The following P2RX3 variants were observed in gnomAD, a reference collection of about 807,000 sequenced individuals.
P2RX3 encodes the protein P2X purinoceptor 3.
P2RX3 carries 41 observed loss-of-function variants against 51.5 expected under a neutral mutation model. That is an observed-to-expected ratio of 0.80 (90% confidence interval 0.62 to 1.03). P2RX3 has a LOEUF of 1.03. Ranked by LOEUF, P2RX3 falls within the 50% of genes least tolerant of loss-of-function variation. The pLI, the probability that P2RX3 is intolerant of heterozygous loss-of-function variation, is 0.00. For synonymous variants in P2RX3, 185 were observed against 191.6 expected, an observed-to-expected ratio of 0.97 and a Z score of 0.29; for missense variants, 459 against 522.1, an observed-to-expected ratio of 0.88 and a Z score of 1.18.
rs1160258375 is a variant in P2RX3 at position 57,348,614 on chromosome 11, T to G, written c.486-13T>G. 5 of 1,611,874 alleles carry G rather than the reference T, an allele frequency of 3.1e-6. No individual in the cohort carries two copies. In the African/African-American group the frequency reaches 6.7e-5, roughly 21 times the overall value. Reference sequence around the variant, plus strand: ...CTTCCTGGAAAGCTAAGGCCTCCTGTGCTCACCCACAGGCCCATCATGATG... The same window carrying G: ...CTTCCTGGAAAGCTAAGGCCTCCTGGGCTCACCCACAGGCCCATCATGATG... On this transcript the variant is annotated splice_polypyrimidine_tract_variant and intron_variant, in intron 5 of 11. Coordinates refer to ENST00000263314, the MANE Select transcript of P2RX3 (RefSeq NM_002559.5).
intron 1 of P2RX3, among the ~76,000 whole-genome samples, chr11:57,343,638 C>T (rs72923903): frequency 0.036 from 5,450 of 152,280 alleles, 142 homozygotes; most frequent in Non-Finnish European, 0.056. Context: ...TTATATAATA[C>T]TAGTCTGAAC....
chr11:57,364,176 C>G (rs1462327382), intron 8 of P2RX3, among the ~76,000 whole-genome samples: 1 of 152,192 alleles, frequency 6.6e-6, no homozygotes, highest in African/African-American at 2.4e-5. Context: ...GATCCACCCT[C>G]TCACCCCTGC....
Position 57,370,023 on chromosome 11 carries a change from A to G in P2RX3, c.*26A>G, listed in dbSNP as rs1246028501. ...GGCCTCTTTCCAGGGCCCCACACTCACAAAGGCTCCAGGCCTCCCCACAGA... is the reference window on the plus strand; with the variant it reads ...GGCCTCTTTCCAGGGCCCCACACTCGCAAAGGCTCCAGGCCTCCCCACAGA... On this transcript the variant is annotated 3_prime_UTR_variant, in exon 12 of 12. Coordinates refer to ENST00000263314, the MANE Select transcript of P2RX3 (RefSeq NM_002559.5). 2.0e-6 allele frequency: 3 copies of G among 1,538,248 alleles called. No homozygotes were observed. The highest frequency in any genetic ancestry group is 1.1e-5 in the South Asian group (1 of 88,592).
chr11:57,343,541 GT>G (rs1298364077), intron 1 of P2RX3, among the ~76,000 whole-genome samples: 1 of 152,202 alleles, frequency 6.6e-6, no homozygotes, highest in African/African-American at 2.4e-5. Flanking sequence ...CTGTGCCTCA[GT>G]TTCCTCATTC....
chr11:57,360,319 C>G (rs757120531), intron 8 of P2RX3, among the ~76,000 whole-genome samples: 6 of 152,180 alleles, frequency 3.9e-5, no homozygotes, highest in Non-Finnish European at 8.8e-5. Context: ...CTACCTTATA[C>G]TAGCTCCACC....
intron 8 of P2RX3, among the ~76,000 whole-genome samples, chr11:57,358,607 C>A (rs1197792952): frequency 6.6e-6 from 1 of 152,072 alleles, no homozygotes; most frequent in Non-Finnish European, 1.5e-5. Context: ...TCAGTTTCCT[C>A]CTCTGTAAAA....
At chr11:57,361,141 C>T (rs1376664357) in intron 8 of P2RX3, among the ~76,000 whole-genome samples, 1 of 152,202 alleles carries the variant, frequency 6.6e-6, no homozygotes, top group Non-Finnish European at 1.5e-5. Context: ...CCCACCAGCC[C>T]ACCAACCCTC....
At chr11:57,360,744 G>A (rs941310685) in intron 8 of P2RX3, among the ~76,000 whole-genome samples, 5 of 149,326 alleles carry the variant, frequency 3.3e-5, no homozygotes, top group African/African-American at 7.3e-5. Flanking sequence ...GCAGTGAGCC[G>A]AGATCGCTCC....
At chr11:57,362,116 C>T (rs1856729275) in intron 8 of P2RX3, among the ~76,000 whole-genome samples, 1 of 152,154 alleles carries the variant, frequency 6.6e-6, no homozygotes, top group Non-Finnish European at 1.5e-5. Flanking sequence ...CTGAGCTGGG[C>T]TCTAATGGAT....
chr11:57,349,896 A>G lies in P2RX3; in HGVS notation c.703A>G (p.Thr235Ala). ...GCAGGATTTTGCCAAACTGGCGCGC[A>G]CGGTGAGGACCTAGCCATTCTTCCG... is the stretch of plus-strand genomic sequence containing the variant. Reference protein sequence around the residue: ...AGQDFAKLARTGGVLGIKIGW... With the variant: ...AGQDFAKLARAGGVLGIKIGW... The change falls in exon 7 of 12, where the codon ACG (threonine) becomes GCG (alanine). Residue 235 changes from threonine (T) to alanine (A), a missense_variant and splice_region_variant. Transcript: ENST00000263314. 6.2e-7 allele frequency: 1 copy of G among 1,614,228 alleles called. No homozygotes were observed. Among genetic ancestry groups the G allele is most frequent in the Non-Finnish European group, 8.5e-7 (1 of 1,180,038 alleles).
intron 7 of P2RX3, 124 bp from the exon 8 acceptor site, chr11:57,350,638 C>T: frequency 7.4e-7 from 1 of 1,350,106 alleles, no homozygotes. Context: ...TTCTCCCTGC[C>T]TCCGTCTCCC....
rs531103771 is a variant in P2RX3, at chr11:57,370,844, C to T, written c.*847C>T. Among the ~76,000 whole-genome samples the T allele has an allele frequency of 6.6e-6, 1 of 152,302 alleles. No homozygotes were observed. Among genetic ancestry groups the T allele is most frequent in the Non-Finnish European group, 1.5e-5 (1 of 68,036 alleles). ...CCCCTCACTCTGGGGATTTGATTCC[C>T]GGACCTGGGATCCTGTCGTAGGCTG... is the stretch of plus-strand genomic sequence containing the variant. On this transcript the variant is annotated 3_prime_UTR_variant, in exon 12 of 12. Transcript: ENST00000263314.
intron 8 of P2RX3, among the ~76,000 whole-genome samples, chr11:57,354,700 G>A (rs1038805463): frequency 1.3e-5 from 2 of 151,892 alleles, no homozygotes; most frequent in East Asian, 1.9e-4. Flanking sequence ...TTTGTTAGTG[G>A]GTGAATGTGT....
At chr11:57,349,920 C>G in intron 7 of P2RX3, 22 bp downstream of exon 7, 5 of 1,613,484 alleles carry the variant, frequency 3.1e-6, no homozygotes, top group Non-Finnish European at 3.4e-6. Flanking sequence ...GCCATTCTTC[C>G]GCGACCCCAA....
At chr11:57,344,425 A>G (rs1009249209) in intron 1 of P2RX3, among the ~76,000 whole-genome samples, 20 of 152,234 alleles carry the variant, frequency 1.3e-4, no homozygotes, top group Admixed American at 3.9e-4. Flanking sequence ...AGGGCTGGGC[A>G]TGGTGGATCC....
rs765276339 is a variant in P2RX3, at chr11:57,369,897, C to A, written c.1094C>A (p.Thr365Lys). ...AKKFEEVNETTLKIAALTNPV... is the reference protein window; with the variant it reads ...AKKFEEVNETKLKIAALTNPV... ...TTTCGCCTGCAGGTGAATGAGACTACGCTGAAAATCGCGGCTTTGACCAAC... is the reference window on the plus strand; with the variant it reads ...TTTCGCCTGCAGGTGAATGAGACTAAGCTGAAAATCGCGGCTTTGACCAAC... Residue 365 changes from threonine (T) to lysine (K), a missense_variant, in exon 12 of 12, where the codon ACG becomes AAG. Coordinates refer to ENST00000263314, the MANE Select transcript of P2RX3 (RefSeq NM_002559.5). 1 of 1,612,474 alleles carries A rather than the reference C, an allele frequency of 6.2e-7. No individual in the cohort carries two copies. Among genetic ancestry groups the A allele is most frequent in the South Asian group, 1.1e-5 (1 of 91,018 alleles).
chr11:57,357,369 C>T (rs1856647469), intron 8 of P2RX3, among the ~76,000 whole-genome samples: 2 of 152,130 alleles, frequency 1.3e-5, no homozygotes. Context: ...AACTGGATAC[C>T]TGAGCTCAGG....
chr11:57,346,377 T>C (rs1435327222), intron 1 of P2RX3, among the ~76,000 whole-genome samples, 167 bp from the exon 2 acceptor site: 1 of 152,152 alleles, frequency 6.6e-6, no homozygotes, highest in Non-Finnish European at 1.5e-5. Flanking sequence ...GAAACGCTAT[T>C]CTAAGTCAAC....
At chr11:57,346,705 A>G (rs1380526606) in intron 2 of P2RX3, 26 bp downstream of exon 2, 1 of 1,611,352 alleles carries the variant, frequency 6.2e-7, no homozygotes, top group Non-Finnish European at 8.5e-7. Context: ...CCAGAGAGGC[A>G]TGTGGATGTC....
Sources: gnomAD v4.1 joint callset for allele counts (sites outside exome capture counted in the v4.1 genomes callset) on GRCh38, gnomAD v4.1.1 for gene constraint, MANE v1.5 for transcripts, NCBI Gene and HGNC (gene_info 2026-07-23, HGNC 2026-07-21) for gene names.